Variants in ABCB4 observed in about 807,000 individuals in gnomAD.
ABCB4 encodes the protein phosphatidylcholine translocator ABCB4.
A neutral mutation model predicts 145.7 loss-of-function variants in ABCB4; 76 were observed. The observed-to-expected ratio is 0.52, with a 90% CI of 0.43 to 0.63. The LOEUF (loss-of-function observed/expected upper bound fraction) is 0.63. Among genes scored for constraint, ABCB4 ranks in the 30% least tolerant of loss-of-function variants. The pLI, the probability that ABCB4 is intolerant of heterozygous loss-of-function variation, is 0.00. For missense variants in ABCB4, 1,234 were observed against 1,553.1 expected (o/e 0.79, Z 3.45); for synonymous variants, 517 against 566.8 (o/e 0.91, Z 1.25).
Position 87,472,656 on chromosome 7 carries a change from T to A in ABCB4, c.100A>T (p.Thr34Ser). 6.2e-7 allele frequency: 1 copy of A among 1,606,508 alleles called. No homozygotes were observed. Among genetic ancestry groups the A allele is most frequent in the African/African-American group, 1.3e-5 (1 of 74,878 alleles). ...ACTCCAATCATTTTCACTGTCTTCG[T>A]TTTTTTCCTTTTTTGTTTGCTGTAA... is the stretch of plus-strand genomic sequence containing the variant. ...GISSKQKRKK[T>S]KTVKMIGVLT... Residue 34 changes from threonine to serine, a missense_variant, in exon 3 of 28, where the codon ACG becomes TCG. Around this residue, in one of 7 missense-constraint regions of ABCB4, gnomAD observed 77 missense variants for 73.3 expected, o/e 1.05. Transcript: ENST00000649586.
intron 26 of ABCB4, 31 bp downstream of exon 26, chr7:87,406,257 C>G: frequency 6.2e-7 from 1 of 1,601,938 alleles, no homozygotes; most frequent in Non-Finnish European, 8.6e-7. Context: ...AAAAAGTAGT[C>G]TCTTCTGATT....
the ABCB4 span, chr7:87,369,346 G>A: frequency 6.8e-7 from 1 of 1,478,352 alleles, no homozygotes; most frequent in Non-Finnish European, 9.3e-7. Flanking sequence ...CCTTAGATTT[G>A]AGTCTTGTGT....
chr7:87,423,359 T>C (rs1367849249), intron 17 of ABCB4, among the ~76,000 whole-genome samples: 1 of 152,224 alleles, frequency 6.6e-6, no homozygotes, highest in Non-Finnish European at 1.5e-5. Context: ...TGGCTATCGC[T>C]TTTTGAATAC....
At chr7:87,382,615 T>C in the ABCB4 span, 17 of 1,457,134 alleles carry the variant, frequency 1.2e-5, no homozygotes, top group East Asian at 3.7e-4. Flanking sequence ...AGCTATTTCA[T>C]CCTAACTCCT....
At chr7:87,413,565 T>G (rs1297841234) in intron 22 of ABCB4, 52 bp downstream of exon 22, 16 of 1,143,932 alleles carry the variant, frequency 1.4e-5, no homozygotes, top group Non-Finnish European at 2.0e-5. Context: ...GGGACAATAA[T>G]TCAGCCTTAG....
chr7:87,453,181 T>C, intron 5 of ABCB4, 46 bp from the exon 6 acceptor site: 1 of 1,452,786 alleles, frequency 6.9e-7, no homozygotes, highest in Non-Finnish European at 9.6e-7. Flanking sequence ...CTCTTTTCTT[T>C]TTTCTTTTCT....
chr7:87,376,969 C>T, the ABCB4 span, among the ~76,000 whole-genome samples: 3 of 151,988 alleles, frequency 2.0e-5, no homozygotes, highest in Admixed American at 6.6e-5. Context: ...TAGTAGGAAA[C>T]GAATTCTTAA....
At chr7:87,419,936 A>G (rs1300385928) in intron 19 of ABCB4, 62 bp downstream of exon 19, 21 of 1,522,116 alleles carry the variant, frequency 1.4e-5, no homozygotes, top group Non-Finnish European at 1.8e-5. Flanking sequence ...TAAGAACAGT[A>G]AGAAGCTTAA....
the ABCB4 span, among the ~76,000 whole-genome samples, chr7:87,377,978 A>T: frequency 6.6e-6 from 1 of 152,118 alleles, no homozygotes; most frequent in African/African-American, 2.4e-5. Context: ...CCTCCCATGG[A>T]CATCTTCACT....
chr7:87,445,069 T>TAAACC, intron 9 of ABCB4, 94 bp from the exon 10 acceptor site: 1 of 868,214 alleles, frequency 1.2e-6, no homozygotes, highest in Non-Finnish European at 1.8e-6. Flanking sequence ...ACATAAAGGA[T>TAAACC]TAAGTTTAGG....
At chr7:87,381,333 T>G in the ABCB4 span, among the ~76,000 whole-genome samples, 1 of 152,212 alleles carries the variant, frequency 6.6e-6, no homozygotes, top group Admixed American at 6.5e-5. Flanking sequence ...TAAATACACC[T>G]GGCAAACCTG....
At chr7:87,367,908 C>G in the ABCB4 span, among the ~76,000 whole-genome samples, 11 of 152,344 alleles carry the variant, frequency 7.2e-5, no homozygotes, top group Middle Eastern at 6.8e-3. Flanking sequence ...GGCATACCTT[C>G]TCTTCACCCT....
At chr7:87,415,811 AG>A (rs1294192210) in intron 21 of ABCB4, among the ~76,000 whole-genome samples, 2 of 152,236 alleles carry the variant, frequency 1.3e-5, no homozygotes, top group African/African-American at 4.8e-5. Context: ...AATGGAGCTA[AG>A]ACTATTAACT....
At chr7:87,392,708 G>C in the ABCB4 span, 1,419,387 of 1,611,570 alleles carry the variant, frequency 0.88, 626,633 homozygotes, top group Middle Eastern at 0.92. Context: ...TTTCTAACCT[G>C]AGATTTGGGG....
the ABCB4 span, chr7:87,392,648 CTTAAG>C: frequency 6.2e-7 from 1 of 1,612,316 alleles, no homozygotes. Flanking sequence ...GGAAAAGGTA[CTTAAG>C]TTAAAATTTT....
intron 21 of ABCB4, among the ~76,000 whole-genome samples, chr7:87,416,935 C>T (rs902919888): frequency 2.6e-5 from 4 of 152,212 alleles, no homozygotes; most frequent in African/African-American, 9.6e-5. Flanking sequence ...AAGAGGATCT[C>T]TTAAATGCCA....
At chr7:87,411,014 C>T (rs890553204) in intron 23 of ABCB4, among the ~76,000 whole-genome samples, 1 of 152,164 alleles carries the variant, frequency 6.6e-6, no homozygotes, top group Admixed American at 6.5e-5. Flanking sequence ...TTCTTGGGTA[C>T]TGCTTACCTT....
intron 9 of ABCB4, 83 bp from the exon 10 acceptor site, chr7:87,445,058 T>C: frequency 1.1e-6 from 1 of 899,576 alleles, no homozygotes; most frequent in Non-Finnish European, 1.8e-6. Flanking sequence ...TGTAACATAG[T>C]ACATAAAGGA....
At chr7:87,429,916 A>ATTT (rs1562967484) in intron 15 of ABCB4, among the ~76,000 whole-genome samples, 8 of 136,180 alleles carry the variant, frequency 5.9e-5, no homozygotes, top group Non-Finnish European at 4.5e-5. Flanking sequence ...TTTTTTTTTA[A>ATTT]AAAAAAAAAA....
Sources: allele counts gnomAD v4.1 joint callset (sites outside exome capture counted in the v4.1 genomes callset), GRCh38; gene constraint gnomAD v4.1.1; regional missense constraint gnomAD v4.1.1; transcripts MANE v1.5; gene names NCBI Gene and HGNC (gene_info 2026-07-23, HGNC 2026-07-21).